The following LAMA2 variants were observed in gnomAD, a reference collection of about 807,000 sequenced individuals.
LAMA2 encodes laminin subunit alpha 2.
A neutral mutation model predicts 364.8 loss-of-function variants in LAMA2; 269 were observed. The observed-to-expected ratio is 0.74, with a 90% confidence interval of 0.67 to 0.82. The LOEUF (loss-of-function observed/expected upper bound fraction) is 0.82, where lower values mean the gene tolerates loss of function less well. Ranked by LOEUF, LAMA2 falls within the 40% of genes least tolerant of loss-of-function variation. LAMA2 has a pLI of 0.00. For synonymous variants in LAMA2, 1,379 were observed against 1,370.6 expected (o/e 1.01, Z -0.14); for missense variants, 3,807 against 3,873.2 (o/e 0.98, Z 0.45).
At chr6:129,164,537 A>G (rs1779625103) in intron 8 of LAMA2, among the ~76,000 whole-genome samples, 1 of 152,192 alleles carries the variant, frequency 6.6e-6, no homozygotes, top group African/African-American at 2.4e-5. Context: ...TCTAATTAGT[A>G]ATAAACTTGC....
chr6:128,945,593 A>C (rs1378972637), intron 1 of LAMA2, among the ~76,000 whole-genome samples: 1 of 152,256 alleles, frequency 6.6e-6, no homozygotes, highest in Admixed American at 6.5e-5. Flanking sequence ...ATAAGTTTTA[A>C]TAATGGCATG....
chr6:129,300,199 C>A (rs1773463291), intron 21 of LAMA2, among the ~76,000 whole-genome samples: 1 of 152,068 alleles, frequency 6.6e-6, no homozygotes, highest in Non-Finnish European at 1.5e-5. Context: ...AAACAGTGTC[C>A]ATAATTCAAC....
intron 37 of LAMA2, among the ~76,000 whole-genome samples, chr6:129,395,692 C>T (rs1187720125): frequency 1.3e-5 from 2 of 152,214 alleles, no homozygotes; most frequent in Non-Finnish European, 2.9e-5. Context: ...ATAATTATCA[C>T]AGGCGTAAGC....
chr6:129,168,446 C>G (rs1352860610), intron 9 of LAMA2, among the ~76,000 whole-genome samples: 1 of 152,146 alleles, frequency 6.6e-6, no homozygotes, highest in African/African-American at 2.4e-5. Flanking sequence ...GCTTGTTTTT[C>G]TCAGGTTTGT....
At chr6:129,236,275 C>G in intron 12 of LAMA2, among the ~76,000 whole-genome samples, 1 of 152,146 alleles carries the variant, frequency 6.6e-6, no homozygotes, top group South Asian at 2.1e-4. Flanking sequence ...CTGTGAGATA[C>G]TCAACTGAGA....
chr6:129,173,599 A>C (rs2115009147), intron 9 of LAMA2, among the ~76,000 whole-genome samples: 1 of 152,338 alleles, frequency 6.6e-6, no homozygotes, highest in African/African-American at 2.4e-5. Context: ...TAATTCAAAA[A>C]TAGAAATATA....
chr6:129,393,297 G>A (rs1359968635), intron 37 of LAMA2, 42 bp downstream of exon 37: 6 of 1,418,836 alleles, frequency 4.2e-6, no homozygotes, highest in East Asian at 2.3e-5. Flanking sequence ...CAGAAGGTTG[G>A]GGACTGCGGG....
intron 1 of LAMA2, among the ~76,000 whole-genome samples, chr6:128,917,650 C>T (rs1025087257): frequency 1.3e-5 from 2 of 150,546 alleles, no homozygotes; most frequent in South Asian, 2.1e-4. Context: ...CATTTTCTTA[C>T]AACTTTTTCT....
Position 128,983,102 on chromosome 6 carries a change from A to G in LAMA2, c.113-66816A>G, listed in dbSNP as rs183337639. Among the ~76,000 whole-genome samples, 261 of 152,066 alleles carry G rather than the reference A, an allele frequency of 1.7e-3. 6 individuals carry two copies. The East Asian group carries it at 0.017, about 10-fold the overall frequency. On this transcript the variant is annotated intron_variant, in intron 1 of 64. Transcript: ENST00000421865. ...GTGCATGTGTCTTTATAGCAGCATG[A>G]TTTATAGTCCTTTGGGTACATACCC...
intron 31 of LAMA2, among the ~76,000 whole-genome samples, chr6:129,351,432 C>T (rs1159495417): frequency 6.6e-6 from 1 of 152,094 alleles, no homozygotes; most frequent in Non-Finnish European, 1.5e-5. Flanking sequence ...AGTGTTTTTC[C>T]AGTCCTCAAA....
At chr6:129,005,468 A>T (rs1057367128) in intron 1 of LAMA2, among the ~76,000 whole-genome samples, 2 of 151,912 alleles carry the variant, frequency 1.3e-5, no homozygotes, top group African/African-American at 2.4e-5. Flanking sequence ...CCTGCTTTTT[A>T]AAAAAATATC....
At position 129,270,426 on chromosome 6, in the gene LAMA2, T is replaced by C. The variant is rs73774632; in HGVS notation, c.2323-198T>C. Among the ~76,000 whole-genome samples the C allele has an allele frequency of 6.4e-3, 974 of 152,256 alleles. 7 individuals carry two copies. The highest frequency in any genetic ancestry group is 0.023 in the African/African-American group (937 of 41,556). ...CATCTTTTTGTAAGTATGCATATGC[T>C]GAAACTACTGTGTTGTTTATAAGCT... On this transcript the variant is annotated intron_variant, in intron 16 of 64. Coordinates refer to ENST00000421865, the MANE Select transcript of LAMA2 (RefSeq NM_000426.4).
At chr6:129,174,817 T>C (rs913734062) in intron 9 of LAMA2, among the ~76,000 whole-genome samples, 1 of 152,146 alleles carries the variant, frequency 6.6e-6, no homozygotes, top group Non-Finnish European at 1.5e-5. Context: ...CCATCTGTCT[T>C]TCGATCTATC....
chr6:129,420,249 A>G (rs1488971963), intron 40 of LAMA2, among the ~76,000 whole-genome samples: 2 of 152,112 alleles, frequency 1.3e-5, no homozygotes, highest in Non-Finnish European at 2.9e-5. Context: ...TTTAAAATGT[A>G]TATTGAACTA....
intron 1 of LAMA2, among the ~76,000 whole-genome samples, chr6:128,900,801 T>C (rs1777040374): frequency 6.6e-6 from 1 of 152,180 alleles, no homozygotes; most frequent in African/African-American, 2.4e-5. Context: ...ATCTGGTTCA[T>C]CCATTTTTTG....
chr6:129,227,188 A>G (rs1784354897), intron 12 of LAMA2, among the ~76,000 whole-genome samples: 1 of 152,096 alleles, frequency 6.6e-6, no homozygotes, highest in Non-Finnish European at 1.5e-5. Flanking sequence ...CCATCAGGTC[A>G]TTTAAGGACT....
At chr6:129,194,371 T>C (rs1200260145) in intron 12 of LAMA2, among the ~76,000 whole-genome samples, 1 of 151,252 alleles carries the variant, frequency 6.6e-6, no homozygotes, top group Non-Finnish European at 1.5e-5. Flanking sequence ...GTCATATGCA[T>C]TTTTTTTTCT....
intron 40 of LAMA2, among the ~76,000 whole-genome samples, chr6:129,416,759 C>T (rs1368014172): frequency 1.4e-5 from 2 of 139,106 alleles, no homozygotes; most frequent in Admixed American, 7.1e-5. Flanking sequence ...CACACTACCA[C>T]TACTGGGCTG....
chr6:129,417,134 G>A (rs1780837515), intron 40 of LAMA2, among the ~76,000 whole-genome samples: 1 of 152,090 alleles, frequency 6.6e-6, no homozygotes, highest in Admixed American at 6.5e-5. Context: ...TTTCAACCCT[G>A]TTTGTGTTGT....
Sources: allele counts gnomAD v4.1 joint callset (sites outside exome capture counted in the v4.1 genomes callset), GRCh38; gene constraint gnomAD v4.1.1; transcripts MANE v1.5; gene names NCBI Gene and HGNC (gene_info 2026-07-23, HGNC 2026-07-21).